Variants in EYS observed in about 807,000 individuals in gnomAD.
The protein encoded by EYS is EGF-like photoreceptor maintenance factor, also known as protein eyes shut homolog.
A neutral mutation model predicts 282.1 loss-of-function variants in EYS; 250 were observed. The observed-to-expected ratio is 0.89, with a 90% CI of 0.80 to 0.98. EYS has a LOEUF of 0.98. EYS is among the 50% of genes least tolerant of loss of function. EYS has a pLI of 0.00. For missense variants in EYS, 4,016 were observed against 3,709.0 expected (o/e 1.08, Z -2.15); for synonymous variants, 1,355 against 1,282.9 (o/e 1.06, Z -1.20).
intron 28 of EYS, among the ~76,000 whole-genome samples, chr6:64,393,461 G>T (rs1335536502): frequency 6.6e-6 from 1 of 152,194 alleles, no homozygotes; most frequent in African/African-American, 2.4e-5. Flanking sequence ...TCCCTGGGAT[G>T]CAAGGCTGGT....
intron 5 of EYS, among the ~76,000 whole-genome samples, chr6:65,436,350 A>T (rs1768074328): frequency 6.6e-6 from 1 of 152,152 alleles, no homozygotes; most frequent in Admixed American, 6.6e-5. Context: ...AGGGTGAAAC[A>T]TTACAAATGT....
chr6:63,857,614 G>T (rs545652058), intron 36 of EYS: 17 of 423,674 alleles, frequency 4.0e-5, no homozygotes, highest in African/African-American at 3.2e-4. Context: ...TGGGGTCCAC[G>T]TGTGCTCAGT....
intron 12 of EYS, among the ~76,000 whole-genome samples, chr6:65,176,276 A>G (rs1765222849): frequency 1.3e-5 from 2 of 151,428 alleles, no homozygotes; most frequent in African/African-American, 4.8e-5. Context: ...CTAAAATTCT[A>G]CTCTTCATCA....
chr6:64,175,016 G>A (rs901790663), intron 31 of EYS, among the ~76,000 whole-genome samples: 2 of 151,962 alleles, frequency 1.3e-5, no homozygotes, highest in Admixed American at 6.6e-5. Flanking sequence ...GTTACTGAGG[G>A]CTTTTTGATG....
chr6:65,397,689 G>C (rs1766339440), intron 7 of EYS, among the ~76,000 whole-genome samples: 2 of 150,670 alleles, frequency 1.3e-5, no homozygotes, highest in Admixed American at 1.3e-4. Context: ...CCATGACTTT[G>C]CTATTGTGAA....
chr6:65,038,503 C>T (rs1227135448), intron 13 of EYS, among the ~76,000 whole-genome samples: 3 of 151,068 alleles, frequency 2.0e-5, no homozygotes, highest in African/African-American at 4.8e-5. Context: ...TTTTTTGTTT[C>T]CAAATCTGGG....
intron 12 of EYS, among the ~76,000 whole-genome samples, chr6:65,144,138 T>G (rs567665601): frequency 6.6e-6 from 1 of 152,244 alleles, no homozygotes; most frequent in African/African-American, 2.4e-5. Context: ...GAATATAACC[T>G]GAGCACTTCA....
At chr6:64,394,396 AG>A (rs1449687975) in intron 28 of EYS, among the ~76,000 whole-genome samples, 3 of 152,220 alleles carry the variant, frequency 2.0e-5, no homozygotes, top group Non-Finnish European at 4.4e-5. Flanking sequence ...ACAAGGCTAC[AG>A]TAACCAAAAC....
intron 31 of EYS, among the ~76,000 whole-genome samples, chr6:64,106,060 T>C (rs1294123154): frequency 3.3e-5 from 5 of 152,146 alleles, no homozygotes; most frequent in African/African-American, 1.2e-4. Flanking sequence ...TAATTATTTA[T>C]ATAATTGGAT....
chr6:64,892,941 G>T (rs533339186), intron 18 of EYS, among the ~76,000 whole-genome samples: 2 of 152,146 alleles, frequency 1.3e-5, no homozygotes, highest in South Asian at 2.1e-4. Flanking sequence ...AAACTGAATG[G>T]TCACAATATG....
At chr6:64,181,685 C>T (rs9351166) in intron 31 of EYS, among the ~76,000 whole-genome samples, 51,317 of 151,784 alleles carry the variant, frequency 0.34, 8,694 homozygotes, top group East Asian at 0.53. Context: ...ATGGTAGCAT[C>T]CCAGTCCACT....
intron 1 of EYS, among the ~76,000 whole-genome samples, chr6:65,648,124 C>A (rs1767519697): frequency 6.6e-6 from 1 of 152,118 alleles, no homozygotes; most frequent in African/African-American, 2.4e-5. Flanking sequence ...TGTGGAGATT[C>A]CTTAAAGAAT....
chr6:64,390,614 A>G (rs900861760), intron 28 of EYS, among the ~76,000 whole-genome samples: 1 of 150,570 alleles, frequency 6.6e-6, no homozygotes, highest in Admixed American at 6.6e-5. Flanking sequence ...CATACCAAAA[A>G]CCCATCTGTA....
intron 41 of EYS, among the ~76,000 whole-genome samples, chr6:63,755,416 G>C (rs1249104930): frequency 2.0e-5 from 3 of 152,110 alleles, no homozygotes; most frequent in Non-Finnish European, 4.4e-5. Flanking sequence ...TTTTTGTCAG[G>C]TTTGTCAAAG....
chr6:64,589,604 C>A (rs1354769413), intron 26 of EYS, among the ~76,000 whole-genome samples: 2 of 151,972 alleles, frequency 1.3e-5, no homozygotes, highest in African/African-American at 2.4e-5. Context: ...TATGAGAAAA[C>A]TGGCTTGTCA....
rs1403205544 is a variant in EYS at position 63,881,331 on chromosome 6, A to G, written c.7056-16973T>C. 3.3e-5 allele frequency among the ~76,000 whole-genome samples: 5 copies of G among 152,224 alleles called. No homozygotes were observed. In the East Asian group the frequency reaches 9.6e-4, roughly 29 times the overall value. On this transcript the variant is annotated intron_variant, in intron 35 of 42. Transcript: ENST00000503581. ...TCACTATAGCACAGAAATAGAACTG[A>G]TTTGGAAAGGGATTACCTATTGGGT...
chr6:64,377,696 T>G (rs556118304), intron 29 of EYS: 1 of 152,168 alleles, frequency 6.6e-6, no homozygotes, highest in East Asian at 1.9e-4. Flanking sequence ...AAAGTTGTGT[T>G]TTTGATTTTT....
chr6:65,192,764 T>G (rs891481633), intron 12 of EYS, among the ~76,000 whole-genome samples: 1 of 151,822 alleles, frequency 6.6e-6, no homozygotes, highest in Non-Finnish European at 1.5e-5. Flanking sequence ...AATGAATTTG[T>G]TCTCATAAGA....
intron 35 of EYS, among the ~76,000 whole-genome samples, chr6:63,966,675 CG>C (rs903125014): frequency 1.3e-5 from 2 of 152,166 alleles, no homozygotes; most frequent in African/African-American, 4.8e-5. Context: ...TTGGGTGGAT[CG>C]TTTAACCTCT....
Sources: gnomAD v4.1 joint callset for allele counts (sites outside exome capture counted in the v4.1 genomes callset) on GRCh38, gnomAD v4.1.1 for gene constraint, MANE v1.5 for transcripts, NCBI Gene and HGNC (gene_info 2026-07-23, HGNC 2026-07-21) for gene names.